MBNL3: variants seen among roughly 807,000 people sequenced by gnomAD.
The protein encoded by MBNL3 is muscleblind-like protein 3.
MBNL3 carries 6 observed loss-of-function variants against 24.5 expected under a neutral mutation model. That is an observed-to-expected ratio of 0.25 (90% CI 0.13 to 0.48). The LOEUF is 0.48. Ranked by LOEUF, MBNL3 falls within the 20% of genes least tolerant of loss-of-function variation. MBNL3 has a pLI of 0.99. For missense variants in MBNL3, 230 were observed against 293.5 expected, an observed-to-expected ratio of 0.78 and a Z score of 1.58; for synonymous variants, 100 against 101.7, an observed-to-expected ratio of 0.98 and a Z score of 0.10.
intron 2 of MBNL3, among the ~76,000 whole-genome samples, chrX:132,423,663 C>T (rs373913429): frequency 1.1e-4 from 12 of 111,435 alleles, no homozygotes; most frequent in African/African-American, 3.6e-4. Flanking sequence ...ACAACCCTTT[C>T]TCCTTTTTTC....
rs1937741470 is a variant in MBNL3 at position 132,394,803 on chromosome X, TCTCCTAG to T, written c.343-2476_343-2470del. On this transcript the variant is annotated intron_variant, in intron 3 of 8. Transcript: ENST00000370853. ...TTTTGAGGTGACTCACCAGGGAAATTCTCCTAGCTAAGTTCTGCTTTCTTTGGAATAC... is the reference window on the plus strand; with the variant it reads ...TTTTGAGGTGACTCACCAGGGAAATTCTAAGTTCTGCTTTCTTTGGAATAC... Among the ~76,000 whole-genome samples the T allele has an allele frequency of 2.7e-5, 3 of 111,854 alleles. No homozygotes were observed. The Admixed American group carries it at 2.9e-4, about 11-fold the overall frequency.
rs1424881887 is a variant in MBNL3, at chrX:132,391,791, GT to G, written c.534+351del. On this transcript the variant is annotated intron_variant, in intron 4 of 8. Coordinates refer to ENST00000370853, the MANE Select transcript of MBNL3 (RefSeq NM_001386889.1). ...TTCTGCAATCGTAGAGAGTTATATT[GT>G]CTACTTTTTTCCCACTTTGATTATT... Among the ~76,000 whole-genome samples the G allele has an allele frequency of 3.6e-5, 4 of 111,702 alleles. No homozygotes were observed. The South Asian group carries it at 1.5e-3, about 43-fold the overall frequency.
At chrX:132,400,304 T>C (rs760929060) in intron 3 of MBNL3, among the ~76,000 whole-genome samples, 2 of 112,061 alleles carry the variant, frequency 1.8e-5, no homozygotes, top group African/African-American at 6.5e-5. Flanking sequence ...CATTCAACTT[T>C]TGAAAAAAGC....
At chrX:132,406,894 T>C (rs1027941869) in intron 2 of MBNL3, among the ~76,000 whole-genome samples, 7 of 111,933 alleles carry the variant, frequency 6.3e-5, no homozygotes, top group Non-Finnish European at 1.1e-4. Context: ...TTCTCTCTTA[T>C]TTGGATTACT....
intron 6 of MBNL3, among the ~76,000 whole-genome samples, chrX:132,386,337 T>C (rs1187758093): frequency 8.9e-6 from 1 of 111,963 alleles, no homozygotes; most frequent in African/African-American, 3.2e-5. Flanking sequence ...GACAGCACTC[T>C]ACTGTCTGTG....
chrX:132,444,803 G>A (rs1286645092), intron 1 of MBNL3, among the ~76,000 whole-genome samples: 1 of 111,211 alleles, frequency 9.0e-6, no homozygotes, highest in African/African-American at 3.3e-5. Flanking sequence ...AAAAAGAACT[G>A]CAGATTTTAT....
At chrX:132,460,484 C>T (rs1329579247) in intron 1 of MBNL3, among the ~76,000 whole-genome samples, 1 of 111,419 alleles carries the variant, frequency 9.0e-6, no homozygotes, top group African/African-American at 3.3e-5. Flanking sequence ...TCAGTTTCCT[C>T]ATCTATAAAA....
intron 1 of MBNL3, among the ~76,000 whole-genome samples, chrX:132,482,304 T>C (rs948171854): frequency 1.8e-5 from 2 of 112,690 alleles, no homozygotes; most frequent in African/African-American, 6.4e-5. Context: ...CATTACACAT[T>C]GTATGCATGT....
At chrX:132,396,347 T>TATATATATTCATATATATATTC (rs1556294195) in intron 3 of MBNL3, among the ~76,000 whole-genome samples, 3 of 44,616 alleles carry the variant, frequency 6.7e-5, no homozygotes, top group African/African-American at 4.1e-4. Context: ...TATATATTCA[T>TATATATATTCATATATATATTC]ATATATATAT....
At chrX:132,452,058 C>T (rs1007671214) in intron 1 of MBNL3, among the ~76,000 whole-genome samples, 5 of 111,331 alleles carry the variant, frequency 4.5e-5, no homozygotes, top group African/African-American at 1.6e-4. Context: ...ATGCAGAAAT[C>T]ACCTGTCTTC....
intron 1 of MBNL3, among the ~76,000 whole-genome samples, chrX:132,465,261 AT>A (rs997168193): frequency 8.1e-5 from 9 of 111,715 alleles, no homozygotes; most frequent in African/African-American, 2.9e-4. Flanking sequence ...GCTACTATGT[AT>A]TTATTTTGTT....
At position 132,376,777 on chromosome X, in the gene MBNL3, A is replaced by G. The variant is rs1438558573; in HGVS notation, c.*2889T>C. On this transcript the variant is annotated 3_prime_UTR_variant, in exon 9 of 9. Coordinates refer to ENST00000370853, the MANE Select transcript of MBNL3 (RefSeq NM_001386889.1). Reference sequence around the variant, plus strand: ...AGATAATTTGAATAAGTCATTGCACATCTAGTTTAAAGAGTGCTATCTTAA... The same window carrying G: ...AGATAATTTGAATAAGTCATTGCACGTCTAGTTTAAAGAGTGCTATCTTAA... 1 of 111,823 alleles carries G rather than the reference A, an allele frequency of 8.9e-6. No homozygotes were observed. The highest frequency in any genetic ancestry group is 1.9e-5 in the Non-Finnish European group (1 of 53,001). 9.2% of individuals were successfully genotyped at this position (111,823 alleles called of 1,213,427 possible). A position where few individuals can be genotyped will look rare whatever the true frequency, so the allele number is the denominator to read the frequency against.
chrX:132,430,675 G>A (rs1488445897), intron 2 of MBNL3: 1 of 112,337 alleles, frequency 8.9e-6, no homozygotes, highest in African/African-American at 3.2e-5. Flanking sequence ...CTGAGGGTAT[G>A]TGATATTGAT....
At chrX:132,381,800 G>T (rs1395164942) in intron 8 of MBNL3, among the ~76,000 whole-genome samples, 7 of 112,105 alleles carry the variant, frequency 6.2e-5, no homozygotes, top group Non-Finnish European at 1.1e-4. Flanking sequence ...GAAGGTAAAG[G>T]TGATGACTGT....
At chrX:132,442,259 T>C (rs1369916335) in intron 1 of MBNL3, among the ~76,000 whole-genome samples, 3 of 111,842 alleles carry the variant, frequency 2.7e-5, no homozygotes, top group East Asian at 5.6e-4. Context: ...AATATGTGAA[T>C]TACATCCCAA....
chrX:132,397,767 G>T (rs1940064036), intron 3 of MBNL3, among the ~76,000 whole-genome samples: 2 of 110,764 alleles, frequency 1.8e-5, no homozygotes, highest in South Asian at 7.6e-4. Context: ...GTTTCCATCA[G>T]ACTTCACTTT....
At chrX:132,396,349 T>TATATATTCATATATATTC (rs1569423251) in intron 3 of MBNL3, among the ~76,000 whole-genome samples, 1 of 86,657 alleles carries the variant, frequency 1.2e-5, no homozygotes, top group African/African-American at 4.5e-5. Context: ...TATATTCATA[T>TATATATTCATATATATTC]ATATATATTC....
intron 2 of MBNL3, among the ~76,000 whole-genome samples, chrX:132,418,151 T>G (rs772165177): frequency 1.8e-5 from 2 of 112,187 alleles, no homozygotes; most frequent in Non-Finnish European, 3.8e-5. Context: ...TAAAATTATA[T>G]TTTCTATTAA....
intron 1 of MBNL3, among the ~76,000 whole-genome samples, chrX:132,483,520 T>G (rs1024962165): frequency 8.9e-6 from 1 of 112,139 alleles, no homozygotes; most frequent in Non-Finnish European, 1.9e-5. Flanking sequence ...TTGTGTTGTT[T>G]TGCTTTCCTG....
Sources: allele counts gnomAD v4.1 joint callset (sites outside exome capture counted in the v4.1 genomes callset), GRCh38; gene constraint gnomAD v4.1.1; transcripts MANE v1.5; gene names NCBI Gene and HGNC (gene_info 2026-07-23, HGNC 2026-07-21).